HEMK2: variants seen among roughly 807,000 people sequenced by gnomAD.
HEMK2 encodes methyltransferase HEMK2.
chr21:28,859,962 C>T, the HEMK2 span, among the ~76,000 whole-genome samples: 445 of 152,232 alleles, frequency 2.9e-3, 4 homozygotes, highest in African/African-American at 0.01. Context: ...GTTAATATGG[C>T]GTGTCAACTT....
the HEMK2 span, among the ~76,000 whole-genome samples, chr21:28,663,363 T>C: frequency 6.6e-6 from 1 of 152,198 alleles, no homozygotes; most frequent in African/African-American, 2.4e-5. Flanking sequence ...TTTTGAGAGA[T>C]GCCAGAAATC....
At chr21:28,788,192 GTATATACGTA>G in the HEMK2 span, among the ~76,000 whole-genome samples, 2 of 113,066 alleles carry the variant, frequency 1.8e-5, no homozygotes, top group East Asian at 5.3e-4. Flanking sequence ...ACATATATAC[GTATATACGTA>G]TATATACGTA....
At chr21:28,842,987 G>T in the HEMK2 span, among the ~76,000 whole-genome samples, 1 of 152,020 alleles carries the variant, frequency 6.6e-6, no homozygotes, top group South Asian at 2.1e-4. Flanking sequence ...TAGACAGTTT[G>T]GTCTTGATAA....
At chr21:28,858,112 C>T in the HEMK2 span, among the ~76,000 whole-genome samples, 4 of 152,266 alleles carry the variant, frequency 2.6e-5, no homozygotes, top group African/African-American at 9.6e-5. Context: ...TTGAATATGT[C>T]TCTTATCTCT....
At chr21:28,709,161 C>G in the HEMK2 span, among the ~76,000 whole-genome samples, 1 of 152,168 alleles carries the variant, frequency 6.6e-6, no homozygotes, top group Non-Finnish European at 1.5e-5. Flanking sequence ...CACCCAAAGG[C>G]CTTCATTGTC....
the HEMK2 span, among the ~76,000 whole-genome samples, chr21:28,868,550 G>C: frequency 6.6e-6 from 1 of 152,060 alleles, no homozygotes; most frequent in South Asian, 2.1e-4. Flanking sequence ...TGGTTGTGGT[G>C]GTGCACACCT....
At chr21:28,723,333 C>T in the HEMK2 span, among the ~76,000 whole-genome samples, 2 of 152,140 alleles carry the variant, frequency 1.3e-5, no homozygotes, top group African/African-American at 4.8e-5. Context: ...CATTTTAAAA[C>T]ACTGAGAACA....
chr21:28,727,671 G>A, the HEMK2 span, among the ~76,000 whole-genome samples: 2 of 152,174 alleles, frequency 1.3e-5, no homozygotes, highest in Non-Finnish European at 1.5e-5. Context: ...TAATTTGTGG[G>A]GATGTTAAAA....
At chr21:28,662,647 T>C in the HEMK2 span, among the ~76,000 whole-genome samples, 4 of 152,134 alleles carry the variant, frequency 2.6e-5, no homozygotes, top group Non-Finnish European at 5.9e-5. Context: ...GTTCTCGTAA[T>C]AGTGAGTGAC....
At chr21:28,643,597 G>A in the HEMK2 span, among the ~76,000 whole-genome samples, 4 of 152,234 alleles carry the variant, frequency 2.6e-5, no homozygotes, top group South Asian at 4.2e-4. Flanking sequence ...AGGATCGCTT[G>A]AGCCTAGGAG....
the HEMK2 span, among the ~76,000 whole-genome samples, chr21:28,787,307 G>T: frequency 6.6e-6 from 1 of 152,126 alleles, no homozygotes; most frequent in South Asian, 2.1e-4. Flanking sequence ...GCTTAGGCAA[G>T]GATTTCATGA....
At chr21:28,698,879 A>G in the HEMK2 span, among the ~76,000 whole-genome samples, 1 of 152,312 alleles carries the variant, frequency 6.6e-6, no homozygotes, top group Admixed American at 6.5e-5. Context: ...AAGACAAACT[A>G]TATCTTGCAT....
At chr21:28,696,316 T>A in the HEMK2 span, among the ~76,000 whole-genome samples, 4 of 152,274 alleles carry the variant, frequency 2.6e-5, no homozygotes, top group African/African-American at 7.2e-5. Flanking sequence ...AATATACCCA[T>A]TCCAAATGAA....
At chr21:28,831,514 A>AGAAG in the HEMK2 span, among the ~76,000 whole-genome samples, 28 of 94,878 alleles carry the variant, frequency 3.0e-4, 1 homozygote, top group Middle Eastern at 4.4e-3. Flanking sequence ...AAAGAAAGAA[A>AGAAG]GAAAGAAAGA....
At chr21:28,636,349 T>C in the HEMK2 span, among the ~76,000 whole-genome samples, 6 of 152,192 alleles carry the variant, frequency 3.9e-5, no homozygotes, top group Non-Finnish European at 8.8e-5. Flanking sequence ...GGTTCTATTT[T>C]GCCCTCTTTT....
At chr21:28,698,958 T>C in the HEMK2 span, among the ~76,000 whole-genome samples, 1 of 152,214 alleles carries the variant, frequency 6.6e-6, no homozygotes, top group African/African-American at 2.4e-5. Flanking sequence ...AGAATTCACA[T>C]TATCCCATGG....
chr21:28,817,053 T>C, the HEMK2 span, among the ~76,000 whole-genome samples: 1 of 151,946 alleles, frequency 6.6e-6, no homozygotes, highest in South Asian at 2.1e-4. Context: ...AAAAAGAAAA[T>C]GCTAAACACT....
At chr21:28,733,706 G>A in the HEMK2 span, among the ~76,000 whole-genome samples, 6 of 149,754 alleles carry the variant, frequency 4.0e-5, no homozygotes, top group East Asian at 1.2e-3. Context: ...TAGCCTGATT[G>A]CCACCCTTTG....
the HEMK2 span, among the ~76,000 whole-genome samples, chr21:28,758,127 A>G: frequency 6.6e-6 from 1 of 152,192 alleles, no homozygotes; most frequent in African/African-American, 2.4e-5. Context: ...TTCTAAGAAG[A>G]AGGAAGATTA....
Sources: gnomAD v4.1 joint callset for allele counts (sites outside exome capture counted in the v4.1 genomes callset) on GRCh38, gnomAD v4.1.1 for gene constraint, MANE v1.5 for transcripts, NCBI Gene and HGNC (gene_info 2026-07-23, HGNC 2026-07-21) for gene names.